The following ERI2 variants were observed in gnomAD, a reference collection of about 807,000 sequenced individuals.
ERI2 encodes the protein ERI1 exoribonuclease family member 2.
Under a neutral mutation model 46.8 loss-of-function variants are expected in ERI2, and 35 were observed. The ratio of observed to expected loss-of-function variants is 0.75; its 90% confidence interval spans 0.57 to 0.99. The LOEUF (loss-of-function observed/expected upper bound fraction) is 0.99, where lower values mean the gene tolerates loss of function less well. ERI2 is among the 50% of genes least tolerant of loss of function. The pLI is 0.00. For synonymous variants in ERI2, 224 were observed against 271.0 expected (o/e 0.83, Z 1.70); for missense variants, 695 against 796.2 (o/e 0.87, Z 1.53).
intron 10 of ERI2, among the ~76,000 whole-genome samples, chr16:20,782,463 C>T (rs2080373898): frequency 1.3e-5 from 2 of 152,176 alleles, no homozygotes; most frequent in South Asian, 4.1e-4. Context: ...CCTCATAACT[C>T]AACTCCCAGC....
Position 20,797,105 on chromosome 16 carries a change from G to T in ERI2, c.*619C>A. 1 of 1,397,020 alleles carries T rather than the reference G, an allele frequency of 7.2e-7. No individual in the cohort carries two copies. The highest frequency in any genetic ancestry group is 9.3e-7 in the Non-Finnish European group (1 of 1,078,158). The allele number at this position is 1,397,020 out of a possible 1,614,324, so 86.5% of individuals were successfully genotyped here. A position where few individuals can be genotyped will look rare whatever the true frequency, so the allele number is the denominator to read the frequency against. On this transcript the variant is annotated 3_prime_UTR_variant, in exon 9 of 9. Coordinates refer to ENST00000357967, the MANE Select transcript of ERI2 (RefSeq NM_001142725.2). ...AACTGTTGATTTAAAATATCTTGTG[G>T]TTATGATATCAGAGGCTAAATTTTG...
Position 20,799,174 on chromosome 16 carries a change from G to T in ERI2, c.732+89C>A. 1.9e-6 allele frequency: 3 copies of T among 1,544,752 alleles called. No individual in the cohort carries two copies. In the South Asian group the frequency reaches 3.7e-5, roughly 19 times the overall value. On this transcript the variant is annotated intron_variant, in intron 8 of 8. Coordinates refer to ENST00000357967, the MANE Select transcript of ERI2 (RefSeq NM_001142725.2). ...AGAGAAATGTCATTGATTTATAAAT[G>T]ACTGCACACATTAAATCTACGTTTC...
chr16:20,792,622 A>G (rs2080627953), downstream of ERI2: 3 of 985,410 alleles, frequency 3.0e-6, no homozygotes, highest in Non-Finnish European at 3.6e-6. Context: ...CCAGTAACCC[A>G]GGCTCACGTC....
chr16:20,792,330 G>A (rs2152487477), downstream of ERI2: 1 of 1,613,936 alleles, frequency 6.2e-7, no homozygotes. Flanking sequence ...CCCCATCAGA[G>A]GAGAGGTAAA....
intron 10 of ERI2, chr16:20,781,720 T>C (rs2080357088): frequency 6.2e-7 from 1 of 1,612,516 alleles, no homozygotes; most frequent in Non-Finnish European, 8.5e-7. Context: ...ACTCTCCAAG[T>C]ACCCCATCAC....
chr16:20,790,000 T>C (rs1194435909), intron 9 of ERI2, among the ~76,000 whole-genome samples: 2 of 152,114 alleles, frequency 1.3e-5, no homozygotes, highest in African/African-American at 2.4e-5. Flanking sequence ...GATTTATCTA[T>C]ATTGTCTCAA....
At chr16:20,787,050 G>A (rs2080489855) in intron 10 of ERI2, among the ~76,000 whole-genome samples, 1 of 152,198 alleles carries the variant, frequency 6.6e-6, no homozygotes, top group Non-Finnish European at 1.5e-5. Flanking sequence ...TGCCTAGGGG[G>A]AATTCCAGTT....
intron 1 of ERI2, among the ~76,000 whole-genome samples, chr16:20,804,526 C>T (rs1466461130): frequency 6.6e-6 from 1 of 151,798 alleles, no homozygotes; most frequent in Non-Finnish European, 1.5e-5. Context: ...CTAGCTGGGG[C>T]GTGATGGTGC....
At chr16:20,780,784 G>C in intron 10 of ERI2, 1 of 1,614,174 alleles carries the variant, frequency 6.2e-7, no homozygotes, top group South Asian at 1.1e-5. Flanking sequence ...CTTTACCAGT[G>C]GAACAAGTGG....
rs1435030558 is a variant in ERI2, at chr16:20,798,265, A to T, written c.1535T>A (p.Val512Asp). Residue 512 changes from valine to aspartate, a missense_variant, in exon 9 of 9, where the codon GTT becomes GAT. Transcript: ENST00000357967. ...PEHKSSTFNR[V>D]NANMSHPLVL... ...TAAAGGATGAGACATATTGGCATTA[A>T]CTCTGTTGAAGGTACTTGATTTGTG... 6.4e-7 allele frequency: 1 copy of T among 1,551,492 alleles called. No individual in the cohort carries two copies. The highest frequency in any genetic ancestry group is 2.4e-5 in the East Asian group (1 of 40,912).
rs1434299977 is a variant in ERI2 at position 20,796,589 on chromosome 16, C to T, written c.*1135G>A. ...GAATATTTTCTTCACACATGCTGCA[C>T]CACATGTCCCAAACTGAACTGATGA... On this transcript the variant is annotated 3_prime_UTR_variant, in exon 9 of 9. Coordinates refer to ENST00000357967, the MANE Select transcript of ERI2 (RefSeq NM_001142725.2). 1 of 1,566,130 alleles carries T rather than the reference C, an allele frequency of 6.4e-7. No individual in the cohort carries two copies. Among genetic ancestry groups the T allele is most frequent in the East Asian group, 2.3e-5 (1 of 43,582 alleles).
At chr16:20,784,857 T>C in intron 10 of ERI2, 1 of 983,828 alleles carries the variant, frequency 1.0e-6, no homozygotes, top group Non-Finnish European at 1.4e-6. Flanking sequence ...ATGGTTTGTT[T>C]TGTGCTAGGG....
At chr16:20,783,933 G>A (rs2080411274) in intron 10 of ERI2, among the ~76,000 whole-genome samples, 1 of 152,104 alleles carries the variant, frequency 6.6e-6, no homozygotes, top group South Asian at 2.1e-4. Flanking sequence ...AGCCTCCTGA[G>A]CATGTAGGAT....
intron 10 of ERI2, chr16:20,786,177 A>C: frequency 6.2e-7 from 1 of 1,608,270 alleles, no homozygotes; most frequent in Non-Finnish European, 8.5e-7. Context: ...ATCCCCTTCC[A>C]GGAGAATGTT....
intron 10 of ERI2, chr16:20,786,225 C>A (rs1318615648): frequency 1.3e-6 from 2 of 1,549,644 alleles, no homozygotes; most frequent in Non-Finnish European, 1.7e-6. Flanking sequence ...CTACCGCTTA[C>A]CCCCATATAA....
rs1567368452 is a variant in ERI2 at position 20,796,872 on chromosome 16, C to T, written c.*852G>A. The T allele has an allele frequency of 6.2e-7, 1 of 1,609,272 alleles. No individual in the cohort carries two copies. Among genetic ancestry groups the T allele is most frequent in the Non-Finnish European group, 8.5e-7 (1 of 1,178,700 alleles). On this transcript the variant is annotated 3_prime_UTR_variant, in exon 9 of 9. Transcript: ENST00000357967. Reference sequence around the variant, plus strand: ...AAATTTCCAGGCTAATTTTCTTCCCCTTGATGCCAACAGGTAGAATTTATT... The same window carrying T: ...AAATTTCCAGGCTAATTTTCTTCCCTTTGATGCCAACAGGTAGAATTTATT...
Position 20,796,665 on chromosome 16 carries a change from A to C in ERI2, c.*1059T>G, listed in dbSNP as rs1172277877. Reference sequence around the variant, plus strand: ...GAGATTAAAATGAAACCCTGAACCTATTTTGTTTGGTCCTTTGGCTTACTG... The same window carrying C: ...GAGATTAAAATGAAACCCTGAACCTCTTTTGTTTGGTCCTTTGGCTTACTG... On this transcript the variant is annotated 3_prime_UTR_variant, in exon 9 of 9. Transcript: ENST00000357967. 7.4e-6 allele frequency: 11 copies of C among 1,477,610 alleles called. No individual in the cohort carries two copies. Among genetic ancestry groups the C allele is most frequent in the Non-Finnish European group, 9.8e-6 (11 of 1,121,642 alleles). The allele number at this position is 1,477,610 out of a possible 1,614,324, so 91.5% of individuals were successfully genotyped here.
At chr16:20,789,493 G>A in exon 10 of ERI2, 1 of 1,612,826 alleles carries the variant, frequency 6.2e-7, no homozygotes, top group Non-Finnish European at 8.5e-7. Flanking sequence ...GTCAACCAGA[G>A]AATATTCCCC....
rs2080574549 is a variant in ERI2, at chr16:20,790,549, A to G, written c.815+301T>C. 2 of 1,575,882 alleles carry G rather than the reference A, an allele frequency of 1.3e-6. No homozygotes were observed. The highest frequency in any genetic ancestry group is 2.3e-5 in the South Asian group (2 of 88,054). On this transcript the variant is annotated intron_variant, in intron 9 of 10. Transcript: ENST00000300005. This position sits in a 1 kb window ranked among gnomAD's most constrained non-coding sequence, Gnocchi z 4.0. ...TAATATTTAAGCTGCGACATTAAAC[A>G]AAAATTTCCTTAAATAAATTGTTCT...
Sources: gnomAD v4.1 joint callset for allele counts (sites outside exome capture counted in the v4.1 genomes callset) on GRCh38, gnomAD v4.1.1 for gene constraint, Gnocchi (gnomAD v3.1) non-coding constraint, MANE v1.5 for transcripts, NCBI Gene and HGNC (gene_info 2026-07-23, HGNC 2026-07-21) for gene names.